Variants in CTNNA3 observed in about 807,000 individuals in gnomAD.
CTNNA3 encodes catenin alpha 3.
CTNNA3 carries 76 observed loss-of-function variants against 95.7 expected under a neutral mutation model. The ratio of observed to expected loss-of-function variants is 0.79; its 90% confidence interval spans 0.66 to 0.96. The LOEUF is 0.96. Among genes scored for constraint, CTNNA3 ranks in the 40% least tolerant of loss-of-function variants. CTNNA3 has a pLI of 0.00. For synonymous variants in CTNNA3, 431 were observed against 374.4 expected (o/e 1.15, Z -1.74); for missense variants, 1,191 against 1,089.8 (o/e 1.09, Z -1.31).
At chr10:67,357,718 T>C (rs1164393336) in intron 5 of CTNNA3, among the ~76,000 whole-genome samples, 11 of 152,052 alleles carry the variant, frequency 7.2e-5, no homozygotes, top group Admixed American at 6.6e-4. Context: ...CCAAAGTTCT[T>C]ATAAATAGTA....
At chr10:65,985,723 G>GATCT (rs2078413432) in intron 16 of CTNNA3, among the ~76,000 whole-genome samples, 1 of 151,374 alleles carries the variant, frequency 6.6e-6, no homozygotes, top group Admixed American at 6.6e-5. Context: ...AACAAGACAA[G>GATCT]GCTGCCTACT....
chr10:66,221,169 T>C (rs539622554), intron 13 of CTNNA3, among the ~76,000 whole-genome samples: 1 of 152,282 alleles, frequency 6.6e-6, no homozygotes, highest in South Asian at 2.1e-4. Flanking sequence ...TTATCAAGGA[T>C]TGCATAGAAC....
chr10:67,286,130 T>G (rs553247584), intron 5 of CTNNA3, among the ~76,000 whole-genome samples: 39 of 152,292 alleles, frequency 2.6e-4, no homozygotes, highest in Non-Finnish European at 5.0e-4. Context: ...TGTGGCAACA[T>G]TTATCCTTCC....
At chr10:66,658,589 A>G (rs773513897) in intron 9 of CTNNA3, among the ~76,000 whole-genome samples, 13 of 152,188 alleles carry the variant, frequency 8.5e-5, no homozygotes, top group Non-Finnish European at 1.9e-4. Context: ...CCAGCATTGG[A>G]GAGTTTGCAT....
At chr10:67,133,206 G>A (rs1451918895) in intron 7 of CTNNA3, among the ~76,000 whole-genome samples, 1 of 149,610 alleles carries the variant, frequency 6.7e-6, no homozygotes, top group Non-Finnish European at 1.5e-5. Context: ...AACATTGTAT[G>A]TCAATAAAAG....
At chr10:67,105,291 G>A (rs1359613906) in intron 7 of CTNNA3, among the ~76,000 whole-genome samples, 1 of 134,282 alleles carries the variant, frequency 7.4e-6, no homozygotes, top group African/African-American at 2.8e-5. Flanking sequence ...AGACTATTAA[G>A]AATAAAAATT....
At chr10:66,002,515 C>A (rs1225720008) in intron 15 of CTNNA3, among the ~76,000 whole-genome samples, 1 of 152,150 alleles carries the variant, frequency 6.6e-6, no homozygotes, top group African/African-American at 2.4e-5. Flanking sequence ...AGTAGCCTAA[C>A]TGCTATTATA....
chr10:66,932,135 A>AC (rs1847435793), intron 7 of CTNNA3, among the ~76,000 whole-genome samples: 1 of 151,994 alleles, frequency 6.6e-6, no homozygotes. Flanking sequence ...CCAGCTGAAC[A>AC]CTGGTTCTAT....
chr10:65,929,769 A>G (rs577227600), intron 17 of CTNNA3, among the ~76,000 whole-genome samples: 132 of 152,084 alleles, frequency 8.7e-4, no homozygotes, highest in Middle Eastern at 3.4e-3. Context: ...GGGTTTCACC[A>G]TATTGGTCAG....
At chr10:67,197,283 G>T (rs1863421597) in intron 6 of CTNNA3, among the ~76,000 whole-genome samples, 1 of 151,944 alleles carries the variant, frequency 6.6e-6, no homozygotes, top group African/African-American at 2.4e-5. Flanking sequence ...CGACAAAGAA[G>T]AAAAGAAAAG....
intron 17 of CTNNA3, among the ~76,000 whole-genome samples, chr10:65,945,384 C>T (rs751198899): frequency 2.3e-4 from 35 of 152,086 alleles, no homozygotes; most frequent in Non-Finnish European, 2.9e-4. Context: ...AGGATAATGT[C>T]CTTTCTTTGG....
intron 5 of CTNNA3, among the ~76,000 whole-genome samples, chr10:67,449,270 T>G (rs1404621584): frequency 6.6e-6 from 1 of 152,158 alleles, no homozygotes; most frequent in African/African-American, 2.4e-5. Context: ...AAGCAATTTA[T>G]AGATTCCATG....
intron 10 of CTNNA3, among the ~76,000 whole-genome samples, chr10:66,550,913 A>G (rs2132107083): frequency 6.6e-6 from 1 of 152,176 alleles, no homozygotes; most frequent in South Asian, 2.1e-4. Context: ...AAACGTAGAA[A>G]TGCTGCTACT....
chr10:67,263,986 C>G (rs1278543620), intron 5 of CTNNA3, among the ~76,000 whole-genome samples: 1 of 151,040 alleles, frequency 6.6e-6, no homozygotes, highest in East Asian at 1.9e-4. Flanking sequence ...AGCTTTTTTA[C>G]TGTTGTGTGT....
At chr10:67,739,887 G>A (rs370579739) in intron 1 of CTNNA3, among the ~76,000 whole-genome samples, 15 of 152,110 alleles carry the variant, frequency 9.9e-5, no homozygotes, top group Admixed American at 3.9e-4. Flanking sequence ...TGGAGGCATC[G>A]TGCTACCTGA....
intron 17 of CTNNA3, among the ~76,000 whole-genome samples, chr10:65,936,912 A>T (rs936482781): frequency 6.6e-6 from 1 of 152,022 alleles, no homozygotes; most frequent in African/African-American, 2.4e-5. Context: ...TACATATATT[A>T]AAAACAGGCA....
chr10:67,314,271 C>G (rs1452994861), intron 5 of CTNNA3, among the ~76,000 whole-genome samples: 1 of 152,154 alleles, frequency 6.6e-6, no homozygotes, highest in Non-Finnish European at 1.5e-5. Flanking sequence ...AGTTTCAAGA[C>G]TAACTGCAGT....
intron 7 of CTNNA3, among the ~76,000 whole-genome samples, chr10:66,958,946 C>T (rs574942967): frequency 7.9e-5 from 12 of 152,266 alleles, no homozygotes; most frequent in African/African-American, 2.9e-4. Context: ...CAAGTAGTTA[C>T]GCTTCTATTC....
Position 66,815,407 on chromosome 10 carries a change from G to A in CTNNA3, c.1048-39883C>T, listed in dbSNP as rs114660452. ...ATCAGTAGCCTGGCAGCCACCAAAG[G>A]GGAAGGATGGGGCTAAAGTTCCCTC... On this transcript the variant is annotated intron_variant, in intron 7 of 17. Transcript: ENST00000433211. Among the ~76,000 whole-genome samples the A allele has an allele frequency of 9.6e-3, 1,466 of 152,214 alleles. 27 individuals carry two copies. Among genetic ancestry groups the A allele is most frequent in the African/African-American group, 0.033 (1,387 of 41,536 alleles).
Sources: gnomAD v4.1 joint callset for allele counts (sites outside exome capture counted in the v4.1 genomes callset) on GRCh38, gnomAD v4.1.1 for gene constraint, MANE v1.5 for transcripts, NCBI Gene and HGNC (gene_info 2026-07-23, HGNC 2026-07-21) for gene names.